Variants in AP1AR observed in about 807,000 individuals in gnomAD.
The protein encoded by AP1AR is AP-1 complex-associated regulatory protein.
In AP1AR, 29 loss-of-function variants were observed where a neutral mutation model predicts 46.3. The observed-to-expected ratio is 0.63, with a 90% CI of 0.47 to 0.85. The LOEUF is 0.85. AP1AR is among the 40% of genes least tolerant of loss of function. The pLI is 0.00. For missense variants in AP1AR, 357 were observed against 356.3 expected (o/e 1.00, Z -0.02); for synonymous variants, 122 against 122.9 (o/e 0.99, Z 0.05).
At chr4:112,259,864 A>T (rs1726364378) in intron 4 of AP1AR, among the ~76,000 whole-genome samples, 1 of 152,102 alleles carries the variant, frequency 6.6e-6, no homozygotes, top group African/African-American at 2.4e-5. Flanking sequence ...AATAGGAAGG[A>T]TATATGTAAG....
chr4:112,245,922 G>A (rs1035719582), intron 1 of AP1AR, among the ~76,000 whole-genome samples: 1 of 152,018 alleles, frequency 6.6e-6, no homozygotes, highest in Non-Finnish European at 1.5e-5. Flanking sequence ...AGATATTGCT[G>A]CTTTTGCTCA....
rs781739255 is a variant in AP1AR, at chr4:112,266,617, C to A, written c.544C>A (p.Pro182Thr). ...RLSSDATVLT[P>T]NTESSCDLMT... ...CTCATCAGATGCTACAGTTTTGACA[C>A]CAAATACAGAAAGCAGTTGTGATTT... Residue 182 changes from proline (P) to threonine (T), a missense_variant, in exon 9 of 10, where the codon CCA (proline) becomes ACA (threonine). Around this residue, in one of 2 missense-constraint regions of AP1AR, gnomAD observed 269 missense variants for 223.6 expected, o/e 1.20. Coordinates refer to ENST00000274000, the MANE Select transcript of AP1AR (RefSeq NM_018569.6). 1 of 1,610,244 alleles carries A rather than the reference C, an allele frequency of 6.2e-7. No individual in the cohort carries two copies.
At chr4:112,264,275 T>C (rs1299728724) in intron 6 of AP1AR, among the ~76,000 whole-genome samples, 1 of 152,182 alleles carries the variant, frequency 6.6e-6, no homozygotes, top group African/African-American at 2.4e-5. Context: ...GCATTCCATA[T>C]GCAGCATCCA....
At chr4:112,233,719 G>C (rs1725119987) in intron 1 of AP1AR, among the ~76,000 whole-genome samples, 1 of 152,322 alleles carries the variant, frequency 6.6e-6, no homozygotes, top group South Asian at 2.1e-4. Flanking sequence ...TCTCCGTAGA[G>C]TACGGCATTA....
intron 1 of AP1AR, among the ~76,000 whole-genome samples, chr4:112,251,818 C>A (rs1578412002): frequency 1.3e-5 from 2 of 152,268 alleles, no homozygotes; most frequent in African/African-American, 4.8e-5. Flanking sequence ...ATACCAAATT[C>A]TTTGCTTTTT....
At chr4:112,260,532 A>T (rs1233379688) in intron 4 of AP1AR, among the ~76,000 whole-genome samples, 1 of 152,250 alleles carries the variant, frequency 6.6e-6, no homozygotes, top group Non-Finnish European at 1.5e-5. Flanking sequence ...GGTAGCTGTA[A>T]TGCTTTAAAA....
Position 112,269,093 on chromosome 4 carries a change from G to GATATATATATATAT in AP1AR, c.*689_*702dup, listed in dbSNP as rs60391724. 1.6e-4 allele frequency: 24 copies of GATATATATATATAT among 146,154 alleles called. No individual in the cohort carries two copies. The East Asian group carries it at 1.8e-3, about 11-fold the overall frequency. 9.1% of individuals were successfully genotyped at this position (146,154 alleles called of 1,614,324 possible). A position where few individuals can be genotyped will look rare whatever the true frequency, so the allele number is the denominator to read the frequency against. ...AATAATAAAAAATAATATTTAAGAA[G>GATATATATATATAT]ATATATATATATATATATTTAGTTT... is the stretch of plus-strand genomic sequence containing the variant. On this transcript the variant is annotated 3_prime_UTR_variant, in exon 10 of 10. Transcript: ENST00000274000.
chr4:112,236,400 C>CTTT (rs35720859), intron 1 of AP1AR, among the ~76,000 whole-genome samples: 1,498 of 143,392 alleles, frequency 0.01, 12 homozygotes, highest in Non-Finnish European at 0.013. Context: ...ATTTCTAAGT[C>CTTT]TTTTTTTTTT....
chr4:112,261,803 T>A (rs1726454408), intron 5 of AP1AR, among the ~76,000 whole-genome samples: 1 of 149,636 alleles, frequency 6.7e-6, no homozygotes, highest in Non-Finnish European at 1.5e-5. Context: ...AACCCATCTC[T>A]AAAAAAAAAT....
intron 1 of AP1AR, among the ~76,000 whole-genome samples, chr4:112,233,888 G>T (rs1041134974): frequency 1.3e-5 from 2 of 152,102 alleles, no homozygotes; most frequent in African/African-American, 4.8e-5. Flanking sequence ...ACGGAGTCTC[G>T]CTCTGTCGCC....
intron 4 of AP1AR, among the ~76,000 whole-genome samples, chr4:112,259,308 C>T (rs1306131198): frequency 6.6e-6 from 1 of 152,116 alleles, no homozygotes; most frequent in Non-Finnish European, 1.5e-5. Context: ...AAGAGAAGAA[C>T]AGTAGTTAAG....
intron 1 of AP1AR, among the ~76,000 whole-genome samples, chr4:112,245,750 T>C (rs879421090): frequency 6.6e-6 from 1 of 152,230 alleles, no homozygotes; most frequent in Non-Finnish European, 1.5e-5. Context: ...AGCCTCTCTT[T>C]GCTCTCCATT....
chr4:112,240,306 G>A (rs1320198291), intron 1 of AP1AR, among the ~76,000 whole-genome samples: 1 of 152,156 alleles, frequency 6.6e-6, no homozygotes, highest in African/African-American at 2.4e-5. Context: ...GCCAGCTTAA[G>A]AATTCTTTCC....
At position 112,262,611 on chromosome 4, in the gene AP1AR, C is replaced by T. The variant is rs558978356; in HGVS notation, c.283-377C>T. 3.5e-4 allele frequency among the ~76,000 whole-genome samples: 53 copies of T among 151,772 alleles called. 1 individual carries two copies. Among genetic ancestry groups the T allele is most frequent in the African/African-American group, 1.1e-3 (44 of 41,118 alleles). On this transcript the variant is annotated intron_variant, in intron 5 of 9. Transcript: ENST00000274000. ...GCTGAGTTCACTTTGGTCACAGTGA[C>T]GTAATTGATCTTAAAGATACTGGAT...
chr4:112,244,242 G>A (rs1329411737), intron 1 of AP1AR, among the ~76,000 whole-genome samples: 1 of 152,128 alleles, frequency 6.6e-6, no homozygotes, highest in African/African-American at 2.4e-5. Context: ...TAGTGCATTT[G>A]TAGTTAAAAT....
intron 6 of AP1AR, among the ~76,000 whole-genome samples, chr4:112,263,566 A>T (rs1393090933): frequency 6.6e-6 from 1 of 151,084 alleles, no homozygotes; most frequent in African/African-American, 2.4e-5. Context: ...CTTGCTTCTC[A>T]TCTTTATTCT....
chr4:112,244,739 T>C (rs1483586341), intron 1 of AP1AR, among the ~76,000 whole-genome samples: 1 of 152,204 alleles, frequency 6.6e-6, no homozygotes, highest in Non-Finnish European at 1.5e-5. Flanking sequence ...CTCTTGCCAT[T>C]TTCTGTTGTT....
chr4:112,265,670 T>G lies in AP1AR; in HGVS notation c.441-64T>G. The G allele has an allele frequency of 5.8e-6, 7 of 1,215,196 alleles. No individual in the cohort carries two copies. The South Asian group carries it at 9.2e-5, about 16-fold the overall frequency. The allele number at this position is 1,215,196 out of a possible 1,614,324, so 75.3% of individuals were successfully genotyped here. A position where few individuals can be genotyped will look rare whatever the true frequency, so the allele number is the denominator to read the frequency against. On this transcript the variant is annotated intron_variant, in intron 7 of 9. Coordinates refer to ENST00000274000, the MANE Select transcript of AP1AR (RefSeq NM_018569.6). ...TTCAAGCCACAATGCCATCATTAGC[T>G]TATATATTTGTCATATTGCAGCTAC...
intron 1 of AP1AR, among the ~76,000 whole-genome samples, chr4:112,237,506 G>A (rs1191393765): frequency 6.6e-6 from 1 of 151,884 alleles, no homozygotes; most frequent in Admixed American, 6.6e-5. Context: ...CACCCAGGCT[G>A]GAGTGCAGTG....
Sources: gnomAD v4.1 joint callset for allele counts (sites outside exome capture counted in the v4.1 genomes callset) on GRCh38, gnomAD v4.1.1 for gene constraint, gnomAD v4.1.1 regional missense constraint, MANE v1.5 for transcripts, NCBI Gene and HGNC (gene_info 2026-07-23, HGNC 2026-07-21) for gene names.